Variants in KLRG1 observed in about 807,000 individuals in gnomAD.
The protein encoded by KLRG1 is killer cell lectin like receptor G1.
A neutral mutation model predicts 21.8 loss-of-function variants in KLRG1; 16 were observed. The ratio of observed to expected loss-of-function variants is 0.73; its 90% confidence interval spans 0.50 to 1.11. The LOEUF (loss-of-function observed/expected upper bound fraction) is 1.11. Among genes scored for constraint, KLRG1 ranks in the 50% most tolerant of loss-of-function variants. KLRG1 has a pLI of 0.00. For synonymous variants in KLRG1, 69 were observed against 75.9 expected, an observed-to-expected ratio of 0.91 and a Z score of 0.47; for missense variants, 173 against 218.3, an observed-to-expected ratio of 0.79 and a Z score of 1.31.
At chr12:9,031,872 C>A in the KLRG1 span, among the ~76,000 whole-genome samples, 1 of 152,122 alleles carries the variant, frequency 6.6e-6, no homozygotes, top group Non-Finnish European at 1.5e-5. Flanking sequence ...CTAGTGCTGC[C>A]CTGACAAAGT....
chr12:9,166,199 C>T, the KLRG1 span: 2 of 1,609,644 alleles, frequency 1.2e-6, no homozygotes, highest in Middle Eastern at 1.7e-4. Context: ...TACTCCTAGA[C>T]CTGCTAAAGT....
At chr12:9,077,696 T>A in the KLRG1 span, 16 of 1,613,416 alleles carry the variant, frequency 9.9e-6, no homozygotes, top group Non-Finnish European at 1.3e-5. Flanking sequence ...TCCAGAATGA[T>A]TCACCTTTAT....
chr12:9,185,575 A>G, the KLRG1 span, among the ~76,000 whole-genome samples: 1 of 152,170 alleles, frequency 6.6e-6, no homozygotes, highest in Admixed American at 6.5e-5. Flanking sequence ...TATTCAGGAA[A>G]TGAAGAGAAC....
the KLRG1 span, chr12:9,095,824 A>G: frequency 1.1e-4 from 79 of 740,148 alleles, no homozygotes; most frequent in Non-Finnish European, 1.3e-4. Context: ...CAGTGGCGCA[A>G]TCTCGGCTCA....
chr12:9,098,496 T>C, the KLRG1 span: 15 of 1,226,738 alleles, frequency 1.2e-5, no homozygotes, highest in Non-Finnish European at 1.4e-5. Context: ...AGCAATTAAT[T>C]CCTAGATAAA....
At chr12:9,072,216 A>T in the KLRG1 span, 2 of 969,546 alleles carry the variant, frequency 2.1e-6, no homozygotes, top group South Asian at 1.7e-5. Flanking sequence ...TCATTGAGAA[A>T]TTATATCAAC....
chr12:9,027,669 C>G, the KLRG1 span: 13 of 974,444 alleles, frequency 1.3e-5, no homozygotes, highest in Non-Finnish European at 2.1e-5. Flanking sequence ...CTTCATGGGT[C>G]CAAAATTTGA....
At chr12:9,090,531 GAGA>G in the KLRG1 span, 2 of 1,595,166 alleles carry the variant, frequency 1.3e-6, no homozygotes, top group Non-Finnish European at 1.7e-6. Flanking sequence ...AGAACAGAGG[GAGA>G]ATGGGTTTGA....
chr12:9,111,813 T>C, the KLRG1 span, among the ~76,000 whole-genome samples: 3 of 152,198 alleles, frequency 2.0e-5, no homozygotes, highest in Non-Finnish European at 4.4e-5. Context: ...TAGATGTGTA[T>C]AGAAAAAATC....
At chr12:9,162,264 C>A in the KLRG1 span, 11 of 212,824 alleles carry the variant, frequency 5.2e-5, no homozygotes, top group Non-Finnish European at 7.4e-5. Context: ...ACCCGGCTAA[C>A]CCTGCTCTCT....
chr12:9,003,361 CT>C (rs1401582534), intron 3 of KLRG1, among the ~76,000 whole-genome samples: 1 of 151,718 alleles, frequency 6.6e-6, no homozygotes, highest in Non-Finnish European at 1.5e-5. Context: ...AAATATTTAG[CT>C]TACAATTTTT....
the KLRG1 span, chr12:9,182,174 A>T: frequency 8.4e-5 from 14 of 166,706 alleles, no homozygotes; most frequent in African/African-American, 1.7e-4. Flanking sequence ...AAGGTCATAA[A>T]AATAGTGTCA....
the KLRG1 span, among the ~76,000 whole-genome samples, chr12:9,128,892 A>G: frequency 2.6e-5 from 4 of 152,144 alleles, no homozygotes; most frequent in African/African-American, 9.7e-5. Flanking sequence ...TGTTTTTGAA[A>G]TATGTGAAAT....
chr12:8,967,658 T>C (rs1946499226), intron 1 of KLRG1, among the ~76,000 whole-genome samples: 1 of 152,174 alleles, frequency 6.6e-6, no homozygotes, highest in African/African-American at 2.4e-5. Flanking sequence ...AGTTCAAGGC[T>C]CAATATATGA....
the KLRG1 span, among the ~76,000 whole-genome samples, chr12:9,087,389 A>T: frequency 2.1e-3 from 323 of 152,310 alleles, 1 homozygote; most frequent in Non-Finnish European, 3.8e-3. Context: ...AGATTATGTT[A>T]TGTGAAATAA....
chr12:9,197,974 AAT>A, the KLRG1 span, among the ~76,000 whole-genome samples: 8 of 134,598 alleles, frequency 5.9e-5, no homozygotes, highest in East Asian at 1.6e-3. Flanking sequence ...ATTATATATT[AAT>A]ATATATTATA....
chr12:8,970,140 A>G (rs1356063760), intron 1 of KLRG1, among the ~76,000 whole-genome samples: 2 of 152,140 alleles, frequency 1.3e-5, no homozygotes, highest in Admixed American at 1.3e-4. Flanking sequence ...AACAAAGCAA[A>G]ACAACCACGA....
the KLRG1 span, among the ~76,000 whole-genome samples, chr12:9,093,917 AAC>A: frequency 1.1e-4 from 16 of 151,312 alleles, no homozygotes; most frequent in African/African-American, 2.2e-4. Flanking sequence ...ACAAACAAAC[AAC>A]AAAAAAAAAC....
chr12:9,018,129 G>T, the KLRG1 span, among the ~76,000 whole-genome samples: 6 of 152,072 alleles, frequency 3.9e-5, no homozygotes, highest in Admixed American at 3.9e-4. Context: ...ACAGTAGAAG[G>T]ATATTCCATG....
Sources: gnomAD v4.1 joint callset for allele counts (sites outside exome capture counted in the v4.1 genomes callset) on GRCh38, gnomAD v4.1.1 for gene constraint, MANE v1.5 for transcripts, NCBI Gene and HGNC (gene_info 2026-07-23, HGNC 2026-07-21) for gene names.